The following CERS6 variants were observed in gnomAD, a reference collection of about 807,000 sequenced individuals.
The protein encoded by CERS6 is ceramide synthase 6.
CERS6 carries 26 observed loss-of-function variants against 56.8 expected under a neutral mutation model. That is an observed-to-expected ratio of 0.46 (90% confidence interval 0.34 to 0.63). The LOEUF (loss-of-function observed/expected upper bound fraction) is 0.63, where lower values mean the gene tolerates loss of function less well. CERS6 is among the 30% of genes least tolerant of loss of function. CERS6 has a pLI of 0.01. For missense variants in CERS6, 415 were observed against 467.5 expected (o/e 0.89, Z 1.04); for synonymous variants, 164 against 173.3 (o/e 0.95, Z 0.42).
At chr2:168,746,807 AT>A in intron 8 of CERS6, among the ~76,000 whole-genome samples, 1 of 116,256 alleles carries the variant, frequency 8.6e-6, no homozygotes, top group African/African-American at 3.4e-5. Context: ...ATATATATAT[AT>A]ATATATATAT....
At chr2:168,719,155 T>C (rs532042604) in intron 8 of CERS6, among the ~76,000 whole-genome samples, 1 of 152,338 alleles carries the variant, frequency 6.6e-6, no homozygotes, top group Admixed American at 6.5e-5. Context: ...GTACTGGTAA[T>C]GCTGATAATT....
intron 4 of CERS6, among the ~76,000 whole-genome samples, chr2:168,674,029 A>C (rs1459120037): frequency 6.6e-6 from 1 of 152,170 alleles, no homozygotes; most frequent in Non-Finnish European, 1.5e-5. Flanking sequence ...GTTTGGAGTC[A>C]TGATTCGTAC....
At chr2:168,489,471 ATTTT>A (rs77499015) in intron 1 of CERS6, among the ~76,000 whole-genome samples, 1 of 135,176 alleles carries the variant, frequency 7.4e-6, no homozygotes, top group Admixed American at 7.4e-5. Flanking sequence ...TTCTCCACCA[ATTTT>A]TTTTTTTTTT....
chr2:168,613,906 G>A (rs758737656), intron 3 of CERS6, among the ~76,000 whole-genome samples: 1 of 152,240 alleles, frequency 6.6e-6, no homozygotes, highest in African/African-American at 2.4e-5. Flanking sequence ...TATAGCTGAT[G>A]TGTGAGCAAC....
intron 8 of CERS6, among the ~76,000 whole-genome samples, chr2:168,761,053 G>T (rs143437453): frequency 1.8e-4 from 28 of 152,242 alleles, no homozygotes; most frequent in African/African-American, 5.8e-4. Flanking sequence ...CACCGCGCCC[G>T]GCCGGGTTTA....
In CERS6 at chr2:168,718,108, A is replaced by G. The variant is rs1687272720; in HGVS notation, c.845+130A>G. ...ATTGGGGGGGAGGGGAAATACCTCA[A>G]GAAGCTGCTTGATTTCTTCTTCCAG... On this transcript the variant is annotated intron_variant, in intron 8 of 9. Coordinates refer to ENST00000305747, the MANE Select transcript of CERS6 (RefSeq NM_203463.3). 9.6e-6 allele frequency: 6 copies of G among 623,396 alleles called. No homozygotes were observed. The East Asian group carries it at 1.7e-4, about 18-fold the overall frequency. 38.6% of individuals were successfully genotyped at this position (623,396 alleles called of 1,614,324 possible).
rs150128534 is a variant in CERS6 at position 168,519,287 on chromosome 2, T to C, written c.171-28309T>C. Among the ~76,000 whole-genome samples the C allele has an allele frequency of 2.6e-5, 4 of 152,266 alleles. No individual in the cohort carries two copies. In the East Asian group the frequency reaches 7.7e-4, roughly 29 times the overall value. On this transcript the variant is annotated intron_variant, in intron 1 of 9. Coordinates refer to ENST00000305747, the MANE Select transcript of CERS6 (RefSeq NM_203463.3). ...ATACTCTGCCATATATAGAAAAATA[T>C]ATTGGGGAGTAGGAGATTCCTTTTT...
intron 4 of CERS6, among the ~76,000 whole-genome samples, chr2:168,677,222 A>G (rs13414792): frequency 0.049 from 7,417 of 150,480 alleles, 200 homozygotes; most frequent in African/African-American, 0.074. Flanking sequence ...CCCTGTGCCC[A>G]TATGTTCTCA....
At chr2:168,703,144 A>G (rs1450019231) in intron 6 of CERS6, among the ~76,000 whole-genome samples, 1 of 152,236 alleles carries the variant, frequency 6.6e-6, no homozygotes, top group Non-Finnish European at 1.5e-5. Flanking sequence ...GGGTATGTTA[A>G]TACTGATAGA....
chr2:168,526,848 G>A (rs1468638274), intron 1 of CERS6, among the ~76,000 whole-genome samples: 1 of 152,186 alleles, frequency 6.6e-6, no homozygotes, highest in Non-Finnish European at 1.5e-5. Context: ...TTCTTATCCA[G>A]CAGCCTTCAA....
intron 1 of CERS6, among the ~76,000 whole-genome samples, chr2:168,494,488 CAT>C (rs1694428559): frequency 1.3e-5 from 2 of 152,146 alleles, no homozygotes; most frequent in Admixed American, 1.3e-4. Context: ...TAAATTAAAA[CAT>C]ATATCTAACA....
chr2:168,695,967 T>TA (rs999214115), intron 6 of CERS6, among the ~76,000 whole-genome samples: 6 of 152,196 alleles, frequency 3.9e-5, no homozygotes, highest in African/African-American at 1.4e-4. Context: ...ATCCTCAAAG[T>TA]AAATAAATGC....
At chr2:168,752,979 G>T (rs1400877716) in intron 8 of CERS6, among the ~76,000 whole-genome samples, 5 of 151,996 alleles carry the variant, frequency 3.3e-5, no homozygotes, top group African/African-American at 1.2e-4. Flanking sequence ...ATACAAATGG[G>T]GTATTTTATC....
At position 168,614,809 on chromosome 2, in the gene CERS6, G is replaced by A. The variant is rs1234758121; in HGVS notation, c.408-16176G>A. On this transcript the variant is annotated intron_variant, in intron 3 of 9. Transcript: ENST00000305747. ...TCACTCTAGTAGCTGAAGACAAGAG[G>A]CATATACTCTTGGGAGTTCTAGGTC... is the stretch of plus-strand genomic sequence containing the variant. Among the ~76,000 whole-genome samples, 6 of 152,156 alleles carry A rather than the reference G, an allele frequency of 3.9e-5. No homozygotes were observed. In the East Asian group the frequency reaches 9.7e-4, roughly 24 times the overall value.
At chr2:168,611,218 T>A (rs1206048100) in intron 3 of CERS6, among the ~76,000 whole-genome samples, 2 of 152,204 alleles carry the variant, frequency 1.3e-5, no homozygotes, top group East Asian at 3.8e-4. Flanking sequence ...CTGACAACAC[T>A]TGAGTTTGCA....
intron 8 of CERS6, among the ~76,000 whole-genome samples, chr2:168,718,686 AC>A (rs1687287114): frequency 6.6e-6 from 1 of 152,134 alleles, no homozygotes; most frequent in Non-Finnish European, 1.5e-5. Flanking sequence ...TTCCTGCTCC[AC>A]CCCTGAAGAA....
chr2:168,765,981 T>C (rs1684721444), intron 9 of CERS6, among the ~76,000 whole-genome samples: 1 of 152,202 alleles, frequency 6.6e-6, no homozygotes, highest in Admixed American at 6.5e-5. Context: ...TAATATATTA[T>C]TTGTTGTGTT....
At chr2:168,762,571 A>G (rs1266155139) in intron 8 of CERS6, among the ~76,000 whole-genome samples, 1 of 152,220 alleles carries the variant, frequency 6.6e-6, no homozygotes, top group Non-Finnish European at 1.5e-5. Context: ...TTCCATTTAT[A>G]CCAATTTGGC....
chr2:168,727,592 T>C (rs747730703), intron 8 of CERS6, among the ~76,000 whole-genome samples: 25 of 152,166 alleles, frequency 1.6e-4, no homozygotes, highest in Non-Finnish European at 3.1e-4. Context: ...GTCATCCTTT[T>C]ACCATTTTCC....
Sources: gnomAD v4.1 joint callset for allele counts (sites outside exome capture counted in the v4.1 genomes callset) on GRCh38, gnomAD v4.1.1 for gene constraint, MANE v1.5 for transcripts, NCBI Gene and HGNC (gene_info 2026-07-23, HGNC 2026-07-21) for gene names.